Variants in PDE10A observed in about 807,000 individuals in gnomAD.
PDE10A encodes cAMP and cAMP-inhibited cGMP 3',5'-cyclic phosphodiesterase 10A.
PDE10A carries 39 observed loss-of-function variants against 97.7 expected under a neutral mutation model. The ratio of observed to expected loss-of-function variants is 0.40; its 90% CI spans 0.31 to 0.52. The LOEUF (loss-of-function observed/expected upper bound fraction) is 0.52. PDE10A is among the 20% of genes least tolerant of loss of function. The pLI is 0.56. For missense variants in PDE10A, 731 were observed against 1,047.8 expected (o/e 0.70, Z 4.17); for synonymous variants, 371 against 376.8 (o/e 0.98, Z 0.18).
At chr6:165,707,733 G>GTT (rs1268434605) in intron 1 of PDE10A, among the ~76,000 whole-genome samples, 1 of 152,038 alleles carries the variant, frequency 6.6e-6, no homozygotes, top group Admixed American at 6.6e-5. Context: ...GAGTGTATGT[G>GTT]TGAGTGTGTG....
chr6:165,543,498 T>C lies in PDE10A; in HGVS notation c.936A>G (p.Glu312=), dbSNP rs16897970. The change falls in exon 2 of 22, where the codon GAA becomes GAG. Residue 312 remains glutamate, a synonymous_variant. Coordinates refer to ENST00000539869, the MANE Select transcript of PDE10A (RefSeq NM_001385079.1). ...HPQVLDEFVS[E]SVSAETVEKW... Reference sequence around the variant, plus strand: ...TCTCTACTGTCTCTGCACTAACACTTTCAGATACAAATTCATCTAATACCT... The same window carrying C: ...TCTCTACTGTCTCTGCACTAACACTCTCAGATACAAATTCATCTAATACCT... 1,387 of 1,613,042 alleles carry C rather than the reference T, an allele frequency of 8.6e-4. 18 individuals are homozygous for C. In the African/African-American group the frequency reaches 0.017, roughly 20 times the overall value.
chr6:165,599,435 C>T (rs531058429), intron 1 of PDE10A, among the ~76,000 whole-genome samples: 1 of 152,162 alleles, frequency 6.6e-6, no homozygotes, highest in Non-Finnish European at 1.5e-5. Flanking sequence ...CCTTCTGATA[C>T]ATTTCAGTGT....
At chr6:165,410,139 C>T (rs1282631923) in intron 13 of PDE10A, among the ~76,000 whole-genome samples, 1 of 144,156 alleles carries the variant, frequency 6.9e-6, no homozygotes, top group African/African-American at 2.6e-5. Context: ...CATTTTGAAA[C>T]AGCCCTGTTA....
At chr6:165,618,600 G>T (rs3008020) in intron 1 of PDE10A, among the ~76,000 whole-genome samples, 29,541 of 152,030 alleles carry the variant, frequency 0.19, 4,343 homozygotes, top group African/African-American at 0.42. Flanking sequence ...CCTCAAAGAA[G>T]GGGTTCAGGG....
At chr6:165,538,177 C>T (rs1215437020) in intron 2 of PDE10A, among the ~76,000 whole-genome samples, 2 of 151,778 alleles carry the variant, frequency 1.3e-5, no homozygotes, top group Non-Finnish European at 2.9e-5. Context: ...CTGCTTTATT[C>T]GTATGAAAAT....
intron 1 of PDE10A, among the ~76,000 whole-genome samples, chr6:165,864,348 G>T (rs1176337743): frequency 6.6e-6 from 1 of 152,136 alleles, no homozygotes; most frequent in Non-Finnish European, 1.5e-5. Context: ...AGGTTCTAAA[G>T]GAACCCTGAA....
chr6:165,940,189 A>T (rs1783464082), intron 1 of PDE10A: 1 of 152,260 alleles, frequency 6.6e-6, no homozygotes, highest in Non-Finnish European at 1.5e-5. Context: ...TAAAGATTCT[A>T]TTCTTTCAGC....
Position 165,694,557 on chromosome 6 carries a change from G to C in PDE10A, c.-614-150989C>G, listed in dbSNP as rs561180474. ...AGGTGGGGCAGGAGAGCAGCGGGCG[G>C]TGTCGGGAGACCGGGACTCCCCCCA... On this transcript the variant is annotated intron_variant, in intron 1 of 19. Coordinates refer to the PDE10A transcript ENST00000366882. Among the ~76,000 whole-genome samples, 703 of 152,360 alleles carry C rather than the reference G, an allele frequency of 4.6e-3. 3 individuals carry two copies. The highest frequency in any genetic ancestry group is 0.01 in the Middle Eastern group (3 of 294).
At chr6:165,392,850 TAGG>T (rs771272326) in intron 15 of PDE10A, 54 bp from the exon 16 acceptor site, 13 of 1,519,790 alleles carry the variant, frequency 8.6e-6, no homozygotes, top group East Asian at 6.8e-5. Flanking sequence ...CACTATGTTG[TAGG>T]AGAACTCCCT....
At chr6:165,523,690 CT>C (rs1782266829) in intron 2 of PDE10A, among the ~76,000 whole-genome samples, 1 of 152,128 alleles carries the variant, frequency 6.6e-6, no homozygotes, top group South Asian at 2.1e-4. Context: ...AGGAAATACC[CT>C]TGTGAACATC....
chr6:165,844,891 G>A (rs572943757), intron 1 of PDE10A, among the ~76,000 whole-genome samples: 1 of 152,294 alleles, frequency 6.6e-6, no homozygotes, highest in Admixed American at 6.5e-5. Context: ...TTGTGACCAA[G>A]TAGCTCCTTT....
chr6:165,519,237 C>T (rs1003895822), intron 2 of PDE10A, among the ~76,000 whole-genome samples: 1 of 151,738 alleles, frequency 6.6e-6, no homozygotes, highest in African/African-American at 2.4e-5. Context: ...TACGGCTGAC[C>T]GACTACCCCC....
intron 1 of PDE10A, among the ~76,000 whole-genome samples, chr6:165,815,255 AC>A (rs1221171797): frequency 6.6e-6 from 1 of 152,104 alleles, no homozygotes; most frequent in Non-Finnish European, 1.5e-5. Context: ...ACTCTTCCCT[AC>A]TGTCCCACTA....
intron 1 of PDE10A, among the ~76,000 whole-genome samples, chr6:165,809,930 T>C (rs970829180): frequency 6.6e-6 from 1 of 152,166 alleles, no homozygotes; most frequent in Non-Finnish European, 1.5e-5. Flanking sequence ...TGACTATCTT[T>C]CCTTGTATGA....
intron 5 of PDE10A, among the ~76,000 whole-genome samples, chr6:165,440,283 A>T (rs956287256): frequency 1.3e-5 from 2 of 152,060 alleles, no homozygotes; most frequent in African/African-American, 4.8e-5. Context: ...ACTATAAACT[A>T]CCAGCTCTGG....
chr6:165,848,090 AT>A (rs34090776), intron 1 of PDE10A, among the ~76,000 whole-genome samples: 139,719 of 150,982 alleles, frequency 0.93, 64,608 homozygotes, highest in East Asian at 1. Flanking sequence ...TATGCTAGCT[AT>A]TTTTTTTTTT....
chr6:165,651,127 C>T (rs553892091), intron 1 of PDE10A, among the ~76,000 whole-genome samples: 1 of 152,324 alleles, frequency 6.6e-6, no homozygotes, highest in African/African-American at 2.4e-5. Context: ...TACAGAAGCA[C>T]CTGCCTCCTC....
chr6:165,671,888 A>G lies in PDE10A; in HGVS notation c.-614-128320T>C, dbSNP rs145351861. ...AAAATGGTCTCCCCATATAAAAGCAAGTTTACACATTAAATATCTCTATTT... is the reference window on the plus strand; with the variant it reads ...AAAATGGTCTCCCCATATAAAAGCAGGTTTACACATTAAATATCTCTATTT... On this transcript the variant is annotated intron_variant, in intron 1 of 19. Transcript: ENST00000366882. This position sits in a 1 kb window ranked among gnomAD's most constrained non-coding sequence, Gnocchi z 4.6. Among the ~76,000 whole-genome samples, 316 of 152,344 alleles carry G rather than the reference A, an allele frequency of 2.1e-3. No individual in the cohort carries two copies. Among genetic ancestry groups the G allele is most frequent in the African/African-American group, 7.3e-3 (305 of 41,578 alleles).
chr6:165,774,202 T>A (rs1161210046), intron 1 of PDE10A, among the ~76,000 whole-genome samples: 1 of 152,080 alleles, frequency 6.6e-6, no homozygotes, highest in African/African-American at 2.4e-5. Flanking sequence ...ATAAAATGAA[T>A]GCGACTTGAA....
Sources: gnomAD v4.1 joint callset for allele counts (sites outside exome capture counted in the v4.1 genomes callset) on GRCh38, gnomAD v4.1.1 for gene constraint, Gnocchi (gnomAD v3.1) non-coding constraint, MANE v1.5 for transcripts, NCBI Gene and HGNC (gene_info 2026-07-23, HGNC 2026-07-21) for gene names.